HMCN2: variants seen among roughly 807,000 people sequenced by gnomAD.
The protein encoded by HMCN2 is hemicentin 2, also known as hemicentin-2.
In HMCN2, 325 loss-of-function variants were observed where a neutral mutation model predicts 377.5. The ratio of observed to expected loss-of-function variants is 0.86; its 90% CI spans 0.79 to 0.94. The LOEUF is 0.94. HMCN2 is among the 40% of genes least tolerant of loss of function. HMCN2 has a pLI of 0.00. For missense variants in HMCN2, 4,543 were observed against 4,725.3 expected (o/e 0.96, Z 1.13); for synonymous variants, 2,007 against 2,046.8 (o/e 0.98, Z 0.53).
At chr9:130,326,359 T>C (rs1328781067) in intron 21 of HMCN2, among the ~76,000 whole-genome samples, 1 of 152,052 alleles carries the variant, frequency 6.6e-6, no homozygotes, top group Non-Finnish European at 1.5e-5. Context: ...CTGGCACCCG[T>C]CACAGCTATG....
Position 130,382,703 on chromosome 9 carries a change from C to G in HMCN2, c.8570C>G (p.Thr2857Arg), listed in dbSNP as rs1008079457. 1.0e-6 allele frequency: 1 copy of G among 985,560 alleles called. No individual in the cohort carries two copies. Among genetic ancestry groups the G allele is most frequent in the East Asian group, 1.1e-4 (1 of 8,816 alleles). 61.1% of individuals were successfully genotyped at this position (985,560 alleles called of 1,614,324 possible). A position where few individuals can be genotyped will look rare whatever the true frequency, so the allele number is the denominator to read the frequency against. Residue 2857 changes from threonine to arginine, a missense_variant, in exon 56 of 98, where the codon ACA becomes AGA. Physicochemically the swap from Thr to Arg is moderately conservative, Grantham distance 71. This residue lies in a region of HMCN2 where 736 missense variants were observed against 773.2 expected (regional missense o/e 0.95). Transcript: ENST00000683500. ...GCCCCACCTGTGATCCTGGGTGACA[C>G]AGAGGAGCTGGTGGAAGAGGTGACA... ...VLTPPVILGD[T>R]EELVEEVTVN...
intron 95 of HMCN2, 184 bp from the exon 96 acceptor site, chr9:130,431,182 CT>C (rs1390520444): frequency 4.7e-6 from 3 of 631,890 alleles, no homozygotes; most frequent in Non-Finnish European, 8.2e-6. Context: ...GGTGGGGCTC[CT>C]CCCTCTCAGC....
chr9:130,404,831 TGAGCCC>T, intron 80 of HMCN2, 32 bp from the exon 81 acceptor site: 3 of 1,192,414 alleles, frequency 2.5e-6, no homozygotes, highest in Admixed American at 3.1e-5. Flanking sequence ...GCCGCCTCCC[TGAGCCC>T]CGGTTCCGAG....
At chr9:130,299,337 C>T in intron 8 of HMCN2, 49 bp downstream of exon 8, 1 of 393,110 alleles carries the variant, frequency 2.5e-6, no homozygotes, top group Non-Finnish European at 5.3e-6. Flanking sequence ...CATTCAGAGT[C>T]CCATTTCATC....
intron 53 of HMCN2, among the ~76,000 whole-genome samples, 170 bp from the exon 54 acceptor site, chr9:130,379,079 A>G (rs1841558937): frequency 2.0e-5 from 3 of 152,156 alleles, no homozygotes; most frequent in Admixed American, 6.5e-5. Flanking sequence ...TAGTTGCTCA[A>G]TAAACACCGG....
Position 130,357,971 on chromosome 9 carries a change from T to C in HMCN2, c.5563T>C (p.Phe1855Leu). 2 of 1,303,990 alleles carry C rather than the reference T, an allele frequency of 1.5e-6. No individual in the cohort carries two copies. The highest frequency in any genetic ancestry group is 2.0e-6 in the Non-Finnish European group (2 of 988,840). The allele number at this position is 1,303,990 out of a possible 1,614,324, so 80.8% of individuals were successfully genotyped here. The change falls in exon 35 of 98, where the codon TTT (phenylalanine) becomes CTT (leucine). Residue 1855 changes from phenylalanine to leucine, a missense_variant. By Grantham distance (22) the Phe-to-Leu change is conservative. Coordinates refer to ENST00000683500, the MANE Select transcript of HMCN2 (RefSeq NM_001291815.2). Reference protein sequence around the residue: ...WWKDGVALAAFGGNLQIEKVD... With the variant: ...WWKDGVALAALGGNLQIEKVD... ...GAAGGATGGTGTAGCCCTGGCAGCCTTTGGGGGGAACCTACAGGTATGTGC... is the reference window on the plus strand; with the variant it reads ...GAAGGATGGTGTAGCCCTGGCAGCCCTTGGGGGGAACCTACAGGTATGTGC...
chr9:130,385,426 T>A, intron 59 of HMCN2, 134 bp from the exon 60 acceptor site: 1 of 451,168 alleles, frequency 2.2e-6, no homozygotes, highest in South Asian at 1.9e-5. Context: ...CCACCTCCCC[T>A]GGGTCTGCGC....
intron 22 of HMCN2, among the ~76,000 whole-genome samples, chr9:130,329,374 T>C (rs1314504946): frequency 6.6e-6 from 1 of 152,066 alleles, no homozygotes; most frequent in African/African-American, 2.4e-5. Context: ...ACCTTTTGTG[T>C]GTCCACTCAT....
rs932828746 is a variant in HMCN2 at position 130,391,167 on chromosome 9, T to C, written c.9668-37T>C. On this transcript the variant is annotated intron_variant, in intron 63 of 97. Coordinates refer to ENST00000683500, the MANE Select transcript of HMCN2 (RefSeq NM_001291815.2). ...CCTGTCCCACTCCCATGGCAGCCCC[T>C]GCCATCACCCAGGGCCTCACTGCAC... 8.1e-6 allele frequency: 8 copies of C among 987,832 alleles called. No homozygotes were observed. The African/African-American group carries it at 1.4e-4, about 17-fold the overall frequency. The allele number at this position is 987,832 out of a possible 1,614,324, so 61.2% of individuals were successfully genotyped here. A position where few individuals can be genotyped will look rare whatever the true frequency, so the allele number is the denominator to read the frequency against.
rs935193362 is a variant in HMCN2, at chr9:130,359,330, A to G, written c.5689A>G (p.Ile1897Val). The G allele has an allele frequency of 4.9e-5, 64 of 1,303,140 alleles. No homozygotes were observed. Among genetic ancestry groups the G allele is most frequent in the Non-Finnish European group, 6.5e-5 (64 of 988,102 alleles). 80.7% of individuals were successfully genotyped at this position (1,303,140 alleles called of 1,614,324 possible). Reference sequence around the variant, plus strand: ...TTGTCTCCCCCTAGTGCCCCCCAACATCGAGCCAGGCCCAGTCAACAAGGC... The same window carrying G: ...TTGTCTCCCCCTAGTGCCCCCCAACGTCGAGCCAGGCCCAGTCAACAAGGC... ...VALKVLVPPN[I>V]EPGPVNKAVL... Residue 1897 changes from isoleucine to valine, a missense_variant, in exon 37 of 98, where the codon ATC becomes GTC. Transcript: ENST00000683500.
chr9:130,308,303 G>T lies in HMCN2; in HGVS notation c.2200+737G>T, dbSNP rs10116688. On this transcript the variant is annotated intron_variant, in intron 14 of 97. Transcript: ENST00000683500. This position sits in a 1 kb window ranked among gnomAD's most constrained non-coding sequence, Gnocchi z 4.1. The stretch of plus-strand genomic sequence containing the variant: ...CAAGCTTGGCACATGTGCTGTGCTT[G>T]GCATTCTTAGTGATAGTGCCGACGA... Among the ~76,000 whole-genome samples the T allele has an allele frequency of 1.3e-5, 2 of 152,158 alleles. No individual in the cohort carries two copies. The highest frequency in any genetic ancestry group is 3.9e-4 in the East Asian group (2 of 5,190).
At chr9:130,283,795 GTTT>G (rs2131272906) in intron 1 of HMCN2, among the ~76,000 whole-genome samples, 1 of 152,264 alleles carries the variant, frequency 6.6e-6, no homozygotes, top group East Asian at 1.9e-4. Context: ...GAATTTACCA[GTTT>G]GTTTATCTCT....
intron 15 of HMCN2, among the ~76,000 whole-genome samples, chr9:130,311,267 A>G (rs1367569695): frequency 1.3e-5 from 2 of 152,210 alleles, no homozygotes; most frequent in Non-Finnish European, 2.9e-5. Context: ...TGGCTGGGGC[A>G]GCCGAGGAGC....
At chr9:130,296,637 C>G (rs1049394061) in intron 6 of HMCN2, 37 bp from the exon 7 acceptor site, 4 of 468,600 alleles carry the variant, frequency 8.5e-6, no homozygotes, top group Non-Finnish European at 1.8e-5. Context: ...TGCTGGGGTC[C>G]CATCCTCTGG....
At chr9:130,357,150 A>G (rs866325757) in intron 34 of HMCN2, among the ~76,000 whole-genome samples, 14 of 144,738 alleles carry the variant, frequency 9.7e-5, no homozygotes, top group South Asian at 7.0e-4. Context: ...AGAAGGGTGG[A>G]TGGATGGGTA....
chr9:130,340,140 G>A (rs1011816617), intron 23 of HMCN2, among the ~76,000 whole-genome samples: 7 of 152,250 alleles, frequency 4.6e-5, no homozygotes, highest in Non-Finnish European at 8.8e-5. Flanking sequence ...ATGTAGGAAG[G>A]ACCGAGTGAG....
At chr9:130,364,934 A>C in intron 41 of HMCN2, 45 bp downstream of exon 41, 1 of 979,308 alleles carries the variant, frequency 1.0e-6, no homozygotes, top group Non-Finnish European at 1.2e-6. Flanking sequence ...ACCTCGGCCC[A>C]AGGGCAGGGT....
intron 85 of HMCN2, among the ~76,000 whole-genome samples, chr9:130,416,730 G>GA (rs1262488337): frequency 1.3e-5 from 2 of 152,098 alleles, no homozygotes; most frequent in Non-Finnish European, 2.9e-5. Flanking sequence ...TCCACTTTAG[G>GA]ACACACTGGC....
Position 130,347,522 on chromosome 9 carries a change from G to A in HMCN2, c.4024+162G>A, listed in dbSNP as rs1370476148. ...AGGTGTGGCAGTGCCAGTTCCCCGGGGCCTGAAAGCTTCCTACACAGGAGA... is the reference window on the plus strand; with the variant it reads ...AGGTGTGGCAGTGCCAGTTCCCCGGAGCCTGAAAGCTTCCTACACAGGAGA... On this transcript the variant is annotated intron_variant, in intron 26 of 97. Transcript: ENST00000683500. This position sits in a 1 kb window ranked among gnomAD's most constrained non-coding sequence, Gnocchi z 5.1. Among the ~76,000 whole-genome samples, 1 of 152,308 alleles carries A rather than the reference G, an allele frequency of 6.6e-6. No individual in the cohort carries two copies. The highest frequency in any genetic ancestry group is 1.5e-5 in the Non-Finnish European group (1 of 68,028).
Sources: gnomAD v4.1 joint callset for allele counts (sites outside exome capture counted in the v4.1 genomes callset) on GRCh38, gnomAD v4.1.1 for gene constraint, gnomAD v4.1.1 regional missense constraint, Gnocchi (gnomAD v3.1) non-coding constraint, MANE v1.5 for transcripts, NCBI Gene and HGNC (gene_info 2026-07-23, HGNC 2026-07-21) for gene names.